The following RBM4 variants were observed in gnomAD, a reference collection of about 807,000 sequenced individuals.
RBM4 encodes the protein RNA binding motif protein 4.
A neutral mutation model predicts 29.5 loss-of-function variants in RBM4; 7 were observed. That is an observed-to-expected ratio of 0.24 (90% CI 0.14 to 0.45). The LOEUF is 0.45. Ranked by LOEUF, RBM4 falls within the 20% of genes least tolerant of loss-of-function variation. The pLI, the probability that RBM4 is intolerant of heterozygous loss-of-function variation, is 1.00. For missense variants in RBM4, 387 were observed against 502.3 expected (o/e 0.77, Z 2.19); for synonymous variants, 220 against 205.4 (o/e 1.07, Z -0.61).
downstream of RBM4, among the ~76,000 whole-genome samples, chr11:66,646,995 C>G (rs1403166218): frequency 6.6e-6 from 1 of 152,204 alleles, no homozygotes; most frequent in Non-Finnish European, 1.5e-5. Context: ...CTGAATGGTC[C>G]CACTAGCACC....
chr11:66,643,890 ACAGCTGCTGCTG>A lies in RBM4; in HGVS notation c.858_869del (p.Ala292_Ala295del), dbSNP rs771988541. 4.3e-6 allele frequency: 7 copies of A among 1,613,290 alleles called. No homozygotes were observed. The highest frequency in any genetic ancestry group is 1.7e-5 in the Admixed American group (1 of 59,978). On this transcript the variant is annotated inframe_deletion, in exon 3 of 4. Transcript: ENST00000310092. This position sits in a 1 kb window ranked among gnomAD's most constrained non-coding sequence, Gnocchi z 6.1. ...GTTGCCGACCTCAGGAGCTGCTGCC[ACAGCTGCTGCTG>A]CAGCAGCAGCCGCTGCTGCTGTTAC...
Position 66,646,060 on chromosome 11 carries a change from G to A in RBM4, c.*42G>A, listed in dbSNP as rs1408144075. 3.3e-6 allele frequency: 5 copies of A among 1,535,962 alleles called. No individual in the cohort carries two copies. The highest frequency in any genetic ancestry group is 2.0e-5 in the Admixed American group (1 of 50,988). The stretch of plus-strand genomic sequence containing the variant: ...TGTGTGGGCTGAAATTCCGAGCTGC[G>A]GTTGTGCATGAGAATACACCCTTCG... On this transcript the variant is annotated 3_prime_UTR_variant, in exon 4 of 4. Transcript: ENST00000310092.
intron 2 of RBM4, among the ~76,000 whole-genome samples, chr11:66,658,948 AT>A (rs148763720): frequency 0.15 from 20,309 of 137,226 alleles, 1,488 homozygotes; most frequent in African/African-American, 0.19. Context: ...AAAAAAAAAA[AT>A]ATATATATAT....
At chr11:66,651,144 AGT>A (rs1431481559), downstream of RBM4, among the ~76,000 whole-genome samples, 3 of 152,214 alleles carry the variant, frequency 2.0e-5, no homozygotes, top group South Asian at 6.2e-4. Flanking sequence ...GAGTAGTGAG[AGT>A]GAGATCATTG....
intron 2 of RBM4, among the ~76,000 whole-genome samples, chr11:66,642,338 G>A (rs1938504806): frequency 6.6e-6 from 1 of 152,124 alleles, no homozygotes; most frequent in South Asian, 2.1e-4. Context: ...CAATTGCATT[G>A]GGAAGTTTTT....
At chr11:66,647,886 A>T (rs1938736066), downstream of RBM4, among the ~76,000 whole-genome samples, 1 of 152,134 alleles carries the variant, frequency 6.6e-6, no homozygotes, top group African/African-American at 2.4e-5. Context: ...GATATGATAT[A>T]TTTTTGCATT....
At chr11:66,665,813 G>T in intron 2 of RBM4, 4 of 1,473,928 alleles carry the variant, frequency 2.7e-6, no homozygotes, top group Non-Finnish European at 3.6e-6. Flanking sequence ...TCTAGCTGAA[G>T]AATGTGTTGG....
chr11:66,654,969 C>T (rs1348828362), intron 2 of RBM4, among the ~76,000 whole-genome samples: 2 of 151,902 alleles, frequency 1.3e-5, no homozygotes, highest in East Asian at 1.9e-4. Context: ...GGATTACAGG[C>T]GCATACCACC....
chr11:66,664,110 A>C (rs983747490), intron 2 of RBM4, among the ~76,000 whole-genome samples: 1 of 150,370 alleles, frequency 6.7e-6, no homozygotes, highest in African/African-American at 2.5e-5. Flanking sequence ...TGGGCTCAAG[A>C]GTCTCCCACT....
At chr11:66,657,176 A>G (rs1274950698) in intron 2 of RBM4, among the ~76,000 whole-genome samples, 1 of 127,028 alleles carries the variant, frequency 7.9e-6, no homozygotes, top group Non-Finnish European at 1.5e-5. Context: ...GTACAGTGGT[A>G]TGAGTATGGC....
At chr11:66,660,009 C>A (rs1006629131) in intron 2 of RBM4, among the ~76,000 whole-genome samples, 1 of 152,116 alleles carries the variant, frequency 6.6e-6, no homozygotes, top group Non-Finnish European at 1.5e-5. Context: ...TTTGAACGTG[C>A]CTTTCCTCTG....
chr11:66,643,146 GCTGTTTGGAGATGATTTTTAC>G lies in RBM4; in HGVS notation c.413-287_413-267del, dbSNP rs774433765. 2.0e-5 allele frequency among the ~76,000 whole-genome samples: 3 copies of G among 152,112 alleles called. No homozygotes were observed. Among genetic ancestry groups the G allele is most frequent in the Non-Finnish European group, 1.5e-5 (1 of 68,016 alleles). On this transcript the variant is annotated intron_variant, in intron 2 of 3. Coordinates refer to ENST00000310092, the MANE Select transcript of RBM4 (RefSeq NM_002896.4). The surrounding 1 kb of genome is among the most constrained non-coding windows in gnomAD (Gnocchi z 6.1). ...CTTTGACTTCTTTTGACTTTGAGCC[GCTGTTTGGAGATGATTTTTAC>G]CTGTTTGGAGATGATTGGAGCAAGA... is the stretch of plus-strand genomic sequence containing the variant.
At chr11:66,666,107 A>C in exon 3 of RBM4, 1 of 817,622 alleles carries the variant, frequency 1.2e-6, no homozygotes, top group Non-Finnish European at 1.9e-6. Context: ...ACACACCTAC[A>C]TGTCACACTG....
At chr11:66,644,265 C>G in intron 3 of RBM4, 125 bp downstream of exon 3, 2 of 1,324,512 alleles carry the variant, frequency 1.5e-6, no homozygotes, top group Non-Finnish European at 2.0e-6. Context: ...ACTAGGATGG[C>G]TCACAGGCTA....
exon 3 of RBM4, chr11:66,665,936 T>C (rs1349547310): frequency 6.5e-6 from 10 of 1,535,144 alleles, no homozygotes; most frequent in African/African-American, 2.7e-5. Flanking sequence ...CAATTTAATT[T>C]TGGAGTCCAG....
intron 2 of RBM4, among the ~76,000 whole-genome samples, chr11:66,653,269 C>G (rs1375043476): frequency 1.3e-5 from 2 of 152,080 alleles, no homozygotes; most frequent in Non-Finnish European, 2.9e-5. Context: ...CCTGAGACAG[C>G]CAGACCAACC....
intron 2 of RBM4, among the ~76,000 whole-genome samples, chr11:66,663,831 T>A (rs959468728): frequency 6.6e-6 from 1 of 152,100 alleles, no homozygotes; most frequent in Non-Finnish European, 1.5e-5. Context: ...TCAGCCTTTT[T>A]CTGATGCAGG....
At chr11:66,651,983 A>G (rs1273754520) in intron 2 of RBM4, among the ~76,000 whole-genome samples, 1 of 152,228 alleles carries the variant, frequency 6.6e-6, no homozygotes, top group Non-Finnish European at 1.5e-5. Context: ...ACTCAAAACT[A>G]TAGCAAGATT....
rs74498457 is a variant in RBM4, at chr11:66,640,330, C to G, written c.412+207C>G. ...GCAAATGTCTCCTGGAGAAAAGCCA[C>G]TCACCTTTTATTTGGAGCCCCTACG... On this transcript the variant is annotated intron_variant, in intron 2 of 3. Coordinates refer to ENST00000310092, the MANE Select transcript of RBM4 (RefSeq NM_002896.4). 4.3e-3 allele frequency: 2,902 copies of G among 680,286 alleles called. 63 individuals are homozygous for G. In the African/African-American group the frequency reaches 0.048, roughly 11 times the overall value. 42.1% of individuals were successfully genotyped at this position (680,286 alleles called of 1,614,324 possible).
Sources: allele counts gnomAD v4.1 joint callset (sites outside exome capture counted in the v4.1 genomes callset), GRCh38; gene constraint gnomAD v4.1.1; non-coding constraint Gnocchi (gnomAD v3.1); transcripts MANE v1.5; gene names NCBI Gene and HGNC (gene_info 2026-07-23, HGNC 2026-07-21).